The following FRMD3 variants were observed in gnomAD, a reference collection of about 807,000 sequenced individuals.
FRMD3 encodes FERM domain-containing protein 3.
FRMD3 carries 33 observed loss-of-function variants against 70.2 expected under a neutral mutation model. That is an observed-to-expected ratio of 0.47 (90% CI 0.36 to 0.63). FRMD3 has a LOEUF of 0.63. FRMD3 is among the 20% of genes least tolerant of loss of function. FRMD3 has a pLI of 0.00. For missense variants in FRMD3, 632 were observed against 711.4 expected (o/e 0.89, Z 1.27); for synonymous variants, 279 against 255.9 (o/e 1.09, Z -0.86).
chr9:83,519,693 CAT>C lies in FRMD3; in HGVS notation c.147+18390_147+18391del, dbSNP rs528451632. ...ATTCTACTATAAAGACACATGCACA[CAT>C]ATGTTTATTGTAGCACTATTCACAA... On this transcript the variant is annotated intron_variant, in intron 1 of 13. Coordinates refer to ENST00000304195, the MANE Select transcript of FRMD3 (RefSeq NM_174938.6). 9.9e-5 allele frequency among the ~76,000 whole-genome samples: 15 copies of C among 152,272 alleles called. No homozygotes were observed. In the South Asian group the frequency reaches 2.9e-3, roughly 29 times the overall value.
At chr9:83,454,538 G>A (rs1266162278) in intron 1 of FRMD3, among the ~76,000 whole-genome samples, 7 of 152,204 alleles carry the variant, frequency 4.6e-5, no homozygotes, top group Admixed American at 3.9e-4. Context: ...TTTTGCAAAC[G>A]ATGTATTCTG....
At chr9:83,576,152 T>TA in the FRMD3 span, among the ~76,000 whole-genome samples, 1 of 151,948 alleles carries the variant, frequency 6.6e-6, no homozygotes, top group South Asian at 2.1e-4. Context: ...CTGAACGAAA[T>TA]ACTAGCAAAC....
At chr9:83,337,106 T>G (rs1564022666) in intron 5 of FRMD3, among the ~76,000 whole-genome samples, 1 of 152,174 alleles carries the variant, frequency 6.6e-6, no homozygotes, top group Non-Finnish European at 1.5e-5. Context: ...TAGCCTACTA[T>G]GCATGCCTGT....
chr9:83,380,398 T>A (rs1279891601), intron 2 of FRMD3, among the ~76,000 whole-genome samples: 1 of 152,184 alleles, frequency 6.6e-6, no homozygotes. Flanking sequence ...CCAGAACTCC[T>A]GAGTTTCCTT....
intron 1 of FRMD3, among the ~76,000 whole-genome samples, chr9:83,490,219 G>A (rs1379022958): frequency 6.6e-6 from 1 of 152,074 alleles, no homozygotes; most frequent in Non-Finnish European, 1.5e-5. Context: ...ACACCCCTGG[G>A]GATGGTTGCA....
In FRMD3 at chr9:83,247,850, C is replaced by T. The variant is rs531456740; in HGVS notation, c.*68G>A. 1.5e-4 allele frequency: 234 copies of T among 1,566,842 alleles called. No individual in the cohort carries two copies. The South Asian group carries it at 2.7e-3, about 18-fold the overall frequency. On this transcript the variant is annotated 3_prime_UTR_variant, in exon 14 of 14. Coordinates refer to ENST00000304195, the MANE Select transcript of FRMD3 (RefSeq NM_174938.6). ...TGACAGCCCCGTGACCCTTCAGAAC[C>T]AGGCATTTGCTGAAAAAAAGAAATC...
At chr9:83,316,576 T>C (rs532352818) in intron 6 of FRMD3, among the ~76,000 whole-genome samples, 3 of 152,328 alleles carry the variant, frequency 2.0e-5, no homozygotes, top group African/African-American at 7.2e-5. Flanking sequence ...ATTTCCTTAT[T>C]CATTTTAGTG....
chr9:83,513,657 A>G (rs1051818977), intron 1 of FRMD3, among the ~76,000 whole-genome samples: 1 of 152,230 alleles, frequency 6.6e-6, no homozygotes, highest in Non-Finnish European at 1.5e-5. Context: ...AAATATGAAA[A>G]TGGGATTTCC....
intron 1 of FRMD3, among the ~76,000 whole-genome samples, chr9:83,409,389 T>G (rs17318708): frequency 0.025 from 3,747 of 152,310 alleles, 72 homozygotes; most frequent in Non-Finnish European, 0.039. Context: ...CTAATTGCTC[T>G]CCAGATGAGG....
chr9:83,507,700 A>ATATC (rs1829225737), intron 1 of FRMD3, among the ~76,000 whole-genome samples: 1 of 62,754 alleles, frequency 1.6e-5, no homozygotes, highest in Non-Finnish European at 3.0e-5. Context: ...ACATATATAT[A>ATATC]TATATATATA....
chr9:83,334,418 C>T (rs1030198467), intron 6 of FRMD3, among the ~76,000 whole-genome samples: 4 of 152,174 alleles, frequency 2.6e-5, no homozygotes, highest in African/African-American at 9.7e-5. Context: ...TCTTCCCAGA[C>T]TCACCAGTAG....
chr9:83,313,802 G>A lies in FRMD3; in HGVS notation c.597-55C>T, dbSNP rs1835457721. 1.2e-5 allele frequency: 16 copies of A among 1,293,718 alleles called. 1 individual carries two copies. The highest frequency in any genetic ancestry group is 5.9e-5 in the South Asian group (5 of 84,246). 80.1% of individuals were successfully genotyped at this position (1,293,718 alleles called of 1,614,324 possible). A position where few individuals can be genotyped will look rare whatever the true frequency, so the allele number is the denominator to read the frequency against. ...TTAAAATGGAAAAGAATAGAAACTC[G>A]GAATCCCTTCATTCAATAAAGTATG... is the stretch of plus-strand genomic sequence containing the variant. On this transcript the variant is annotated intron_variant, in intron 6 of 13. Coordinates refer to ENST00000304195, the MANE Select transcript of FRMD3 (RefSeq NM_174938.6).
chr9:83,572,720 G>A, the FRMD3 span, among the ~76,000 whole-genome samples: 1 of 152,218 alleles, frequency 6.6e-6, no homozygotes, highest in Admixed American at 6.5e-5. Context: ...CAGCAGCACG[G>A]GAACAGGCGT....
In FRMD3 at chr9:83,247,129, A is replaced by G. The variant is rs772948177; in HGVS notation, c.*789T>C. ...AGTCCTCTTGTCCAAATACTTTGAA[A>G]AATGGACCACCCTGAGTCCACTTGA... On this transcript the variant is annotated 3_prime_UTR_variant, in exon 14 of 14. Transcript: ENST00000304195. The G allele has an allele frequency of 2.0e-6, 2 of 985,334 alleles. No individual in the cohort carries two copies. The highest frequency in any genetic ancestry group is 2.4e-6 in the Non-Finnish European group (2 of 829,938). 61.0% of individuals were successfully genotyped at this position (985,334 alleles called of 1,614,324 possible).
chr9:83,376,038 T>G (rs1378640221), intron 2 of FRMD3, among the ~76,000 whole-genome samples: 2 of 151,732 alleles, frequency 1.3e-5, no homozygotes, highest in Non-Finnish European at 2.9e-5. Context: ...CAGGTGCCTG[T>G]AATCCCAGCT....
chr9:83,559,150 A>T, the FRMD3 span, among the ~76,000 whole-genome samples: 1 of 152,222 alleles, frequency 6.6e-6, no homozygotes, highest in Non-Finnish European at 1.5e-5. Context: ...ATTGTGGATT[A>T]AAGGCTATCA....
intron 6 of FRMD3, among the ~76,000 whole-genome samples, chr9:83,328,327 T>A (rs1012240351): frequency 2.0e-5 from 3 of 152,224 alleles, no homozygotes; most frequent in African/African-American, 7.2e-5. Context: ...GGGAGCCATG[T>A]GACCAAAACC....
chr9:83,463,894 G>A (rs1828045520), intron 1 of FRMD3, among the ~76,000 whole-genome samples: 1 of 152,184 alleles, frequency 6.6e-6, no homozygotes, highest in Non-Finnish European at 1.5e-5. Context: ...CATGTCATCT[G>A]ACATGTAGAC....
At chr9:83,379,584 C>A (rs1031704117) in intron 2 of FRMD3, among the ~76,000 whole-genome samples, 1 of 152,112 alleles carries the variant, frequency 6.6e-6, no homozygotes, top group Non-Finnish European at 1.5e-5. Context: ...ACAAAATGAA[C>A]TAGGGGAGTA....
Sources: allele counts gnomAD v4.1 joint callset (sites outside exome capture counted in the v4.1 genomes callset), GRCh38; gene constraint gnomAD v4.1.1; transcripts MANE v1.5; gene names NCBI Gene and HGNC (gene_info 2026-07-23, HGNC 2026-07-21).